The following ERBB4 variants were observed in gnomAD, a reference collection of about 807,000 sequenced individuals.
The protein encoded by ERBB4 is receptor tyrosine-protein kinase erbB-4.
In ERBB4, 42 loss-of-function variants were observed where a neutral mutation model predicts 158.0. That is an observed-to-expected ratio of 0.27 (90% CI 0.21 to 0.34). The LOEUF (loss-of-function observed/expected upper bound fraction) is 0.34. Among genes scored for constraint, ERBB4 ranks in the 10% least tolerant of loss-of-function variants. The pLI, the probability that ERBB4 is intolerant of heterozygous loss-of-function variation, is 1.00. For missense variants in ERBB4, 1,333 were observed against 1,624.1 expected (o/e 0.82, Z 3.08); for synonymous variants, 583 against 558.7 (o/e 1.04, Z -0.61).
chr2:211,761,379 C>G (rs546584427), intron 4 of ERBB4, among the ~76,000 whole-genome samples: 2 of 152,100 alleles, frequency 1.3e-5, no homozygotes, highest in South Asian at 4.2e-4. Flanking sequence ...AAGAAGGATA[C>G]GTAATATATG....
chr2:211,791,581 G>A (rs1477178871), intron 3 of ERBB4, among the ~76,000 whole-genome samples: 4 of 151,926 alleles, frequency 2.6e-5, no homozygotes, highest in Non-Finnish European at 5.9e-5. Context: ...TACTTCCACT[G>A]CAGAAAATTA....
intron 2 of ERBB4, among the ~76,000 whole-genome samples, chr2:212,018,290 A>T (rs2076572460): frequency 6.6e-6 from 1 of 152,206 alleles, no homozygotes; most frequent in African/African-American, 2.4e-5. Context: ...TTAACCTGAG[A>T]TAAAGAATAC....
chr2:211,624,123 C>A, intron 17 of ERBB4, 79 bp from the exon 18 acceptor site: 1 of 1,517,562 alleles, frequency 6.6e-7, no homozygotes, highest in South Asian at 1.2e-5. Context: ...CTCTCTCTCT[C>A]TTTGGTTCTC....
Position 212,243,062 on chromosome 2 carries a change from A to T in ERBB4, c.83-118159T>A, listed in dbSNP as rs145260823. 2.7e-3 allele frequency among the ~76,000 whole-genome samples: 405 copies of T among 152,258 alleles called. 5 individuals carry two copies. The highest frequency in any genetic ancestry group is 0.015 in the Admixed American group (233 of 15,298). ...CTGAGTTCTCTTCAGCTTTATTCCT[A>T]GAGAGCTCAAGTTGACATCAATCTG... On this transcript the variant is annotated intron_variant, in intron 1 of 27. Coordinates refer to ENST00000342788, the MANE Select transcript of ERBB4 (RefSeq NM_005235.3).
At chr2:211,548,037 CA>C (rs1458926527) in intron 20 of ERBB4, among the ~76,000 whole-genome samples, 1 of 152,014 alleles carries the variant, frequency 6.6e-6, no homozygotes, top group Non-Finnish European at 1.5e-5. Context: ...ATGCAAACTC[CA>C]GGAAATAATT....
In ERBB4 at chr2:212,272,818, G is replaced by GA. The variant is rs961394801; in HGVS notation, c.83-147916dup. 7.3e-5 allele frequency among the ~76,000 whole-genome samples: 11 copies of GA among 151,320 alleles called. No homozygotes were observed. In the East Asian group the frequency reaches 2.0e-3, roughly 27 times the overall value. Reference sequence around the variant, plus strand: ...TTTCTATTTCTGTATATGAAATTAAGAAAAAAATCAATTGAACTTAGATTT... The same window carrying GA: ...TTTCTATTTCTGTATATGAAATTAAGAAAAAAAATCAATTGAACTTAGATTT... On this transcript the variant is annotated intron_variant, in intron 1 of 27. Coordinates refer to ENST00000342788, the MANE Select transcript of ERBB4 (RefSeq NM_005235.3).
intron 20 of ERBB4, among the ~76,000 whole-genome samples, chr2:211,478,322 A>G (rs2065005724): frequency 6.6e-6 from 1 of 152,186 alleles, no homozygotes; most frequent in African/African-American, 2.4e-5. Flanking sequence ...TCGGGATGGT[A>G]TGAAGAAAAA....
chr2:211,671,737 A>G (rs569206059), intron 14 of ERBB4, among the ~76,000 whole-genome samples: 1 of 152,296 alleles, frequency 6.6e-6, no homozygotes, highest in African/African-American at 2.4e-5. Context: ...TTAATAGTCA[A>G]GAAGTTACCT....
At chr2:212,377,493 G>T (rs1338690415) in intron 1 of ERBB4, among the ~76,000 whole-genome samples, 1 of 151,718 alleles carries the variant, frequency 6.6e-6, no homozygotes, top group African/African-American at 2.4e-5. Context: ...ACTGAATACT[G>T]TAGCCAATTT....
intron 1 of ERBB4, among the ~76,000 whole-genome samples, chr2:212,125,391 C>A (rs1293497422): frequency 1.3e-5 from 2 of 152,114 alleles, no homozygotes; most frequent in African/African-American, 4.8e-5. Flanking sequence ...ACCTACAAGA[C>A]CTCAAACATG....
At chr2:212,329,853 A>C (rs1004798759) in intron 1 of ERBB4, among the ~76,000 whole-genome samples, 1 of 152,088 alleles carries the variant, frequency 6.6e-6, no homozygotes, top group East Asian at 1.9e-4. Flanking sequence ...CCCTTTAGAA[A>C]GAGAAAAATC....
At chr2:212,446,590 T>TG (rs1553641329) in intron 1 of ERBB4, among the ~76,000 whole-genome samples, 1 of 20,926 alleles carries the variant, frequency 4.8e-5, no homozygotes, top group Non-Finnish European at 7.4e-5. Context: ...TATATATATA[T>TG]GTATATATAT....
At chr2:212,166,619 G>A (rs1358156307) in intron 1 of ERBB4, among the ~76,000 whole-genome samples, 2 of 147,814 alleles carry the variant, frequency 1.4e-5, no homozygotes, top group African/African-American at 5.0e-5. Flanking sequence ...AATCAAAGAA[G>A]ACCCCGTACA....
At chr2:212,347,134 G>T (rs2089042226) in intron 1 of ERBB4, among the ~76,000 whole-genome samples, 1 of 152,080 alleles carries the variant, frequency 6.6e-6, no homozygotes, top group African/African-American at 2.4e-5. Flanking sequence ...CAAAACACTT[G>T]ACTCTCTCCT....
chr2:212,347,274 A>G (rs1433330439), intron 1 of ERBB4, among the ~76,000 whole-genome samples: 1 of 152,104 alleles, frequency 6.6e-6, no homozygotes, highest in Non-Finnish European at 1.5e-5. Flanking sequence ...GACCTATATA[A>G]TTGATTATAG....
chr2:212,268,019 C>G (rs752770431), intron 1 of ERBB4, among the ~76,000 whole-genome samples: 3 of 151,732 alleles, frequency 2.0e-5, no homozygotes, highest in Non-Finnish European at 4.4e-5. Context: ...CAGAACAAAT[C>G]TTTTTAGCAG....
intron 1 of ERBB4, among the ~76,000 whole-genome samples, chr2:212,462,979 T>A (rs1248338648): frequency 2.0e-5 from 3 of 152,088 alleles, no homozygotes; most frequent in Admixed American, 2.0e-4. Context: ...GAAGAAATTA[T>A]GTTAAATTAA....
At chr2:211,553,366 G>C (rs2067155011) in intron 20 of ERBB4, among the ~76,000 whole-genome samples, 1 of 152,120 alleles carries the variant, frequency 6.6e-6, no homozygotes, top group East Asian at 1.9e-4. Context: ...GAGAGACTCA[G>C]GTTCCTTGTT....
intron 2 of ERBB4, among the ~76,000 whole-genome samples, chr2:211,954,595 T>C (rs1213261013): frequency 6.6e-6 from 1 of 152,034 alleles, no homozygotes; most frequent in African/African-American, 2.4e-5. Flanking sequence ...GTCAATAGAC[T>C]AAGTCAAATA....
Sources: allele counts gnomAD v4.1 joint callset (sites outside exome capture counted in the v4.1 genomes callset), GRCh38; gene constraint gnomAD v4.1.1; transcripts MANE v1.5; gene names NCBI Gene and HGNC (gene_info 2026-07-23, HGNC 2026-07-21).